Variants in FZD3 observed in about 807,000 individuals in gnomAD.
FZD3 encodes frizzled class receptor 3.
Under a neutral mutation model 60.7 loss-of-function variants are expected in FZD3, and 30 were observed. The ratio of observed to expected loss-of-function variants is 0.49; its 90% CI spans 0.37 to 0.67. The LOEUF (loss-of-function observed/expected upper bound fraction) is 0.67, where lower values mean the gene tolerates loss of function less well. FZD3 is among the 30% of genes least tolerant of loss of function. The probability of loss-of-function intolerance (pLI) is 0.00; values close to 1 mark genes in which losing one functional copy is unlikely to be tolerated. For synonymous variants in FZD3, 246 were observed against 275.2 expected (o/e 0.89, Z 1.05); for missense variants, 605 against 838.7 (o/e 0.72, Z 3.44).
Position 28,567,853 on chromosome 8 carries a change from T to A in FZD3, c.*4842T>A, listed in dbSNP as rs1290564449. ...TTGGGGATATTCATTTTATTTTTCC[T>A]TTTATATGAAATTGTATAAGTACAT... On this transcript the variant is annotated 3_prime_UTR_variant, in exon 8 of 8. Transcript: ENST00000240093. 1 of 152,214 alleles carries A rather than the reference T, an allele frequency of 6.6e-6. No homozygotes were observed. Among genetic ancestry groups the A allele is most frequent in the East Asian group, 1.9e-4 (1 of 5,204 alleles). The allele number at this position is 152,214 out of a possible 1,614,324, so 9.4% of individuals were successfully genotyped here.
chr8:28,497,902 G>A (rs1335258495), intron 1 of FZD3, among the ~76,000 whole-genome samples: 1 of 152,152 alleles, frequency 6.6e-6, no homozygotes, highest in Non-Finnish European at 1.5e-5. Context: ...AGTCTTCCAA[G>A]ATTGGAATCC....
rs2130490238 is a variant in FZD3, at chr8:28,569,352, T to A, written c.*6341T>A. ...ATTTTGAGTCAGGAAACTTGACTTCTACTCTTGCCTCTCTTTTGCAGTTAG... is the reference window on the plus strand; with the variant it reads ...ATTTTGAGTCAGGAAACTTGACTTCAACTCTTGCCTCTCTTTTGCAGTTAG... On this transcript the variant is annotated 3_prime_UTR_variant, in exon 8 of 8. Coordinates refer to ENST00000240093, the MANE Select transcript of FZD3 (RefSeq NM_017412.4). The A allele has an allele frequency of 6.6e-6, 1 of 152,200 alleles. No homozygotes were observed. Among genetic ancestry groups the A allele is most frequent in the East Asian group, 1.9e-4 (1 of 5,184 alleles). The allele number at this position is 152,200 out of a possible 1,614,324, so 9.4% of individuals were successfully genotyped here. A position where few individuals can be genotyped will look rare whatever the true frequency, so the allele number is the denominator to read the frequency against.
chr8:28,533,108 T>A (rs532934718), intron 5 of FZD3, among the ~76,000 whole-genome samples: 1 of 152,240 alleles, frequency 6.6e-6, no homozygotes, highest in African/African-American at 2.4e-5. Context: ...AGCATAAATT[T>A]GTTCATTTTT....
At chr8:28,501,744 G>A (rs1803999792) in intron 2 of FZD3, among the ~76,000 whole-genome samples, 2 of 152,102 alleles carry the variant, frequency 1.3e-5, no homozygotes, top group African/African-American at 2.4e-5. Flanking sequence ...AAAGCTCTGT[G>A]GAAACAATAA....
At chr8:28,537,182 G>T (rs1016668747) in intron 5 of FZD3, among the ~76,000 whole-genome samples, 2 of 152,082 alleles carry the variant, frequency 1.3e-5, no homozygotes, top group African/African-American at 4.8e-5. Context: ...TACAGAATAC[G>T]ACATGAAGGA....
rs1460515583 is a variant in FZD3 at position 28,563,929 on chromosome 8, AT to A, written c.*923del. On this transcript the variant is annotated 3_prime_UTR_variant, in exon 8 of 8. Coordinates refer to ENST00000240093, the MANE Select transcript of FZD3 (RefSeq NM_017412.4). ...ACATTTTCTCTGTATTCATTGTTGT[AT>A]TTTTCTACAGTGAGATGTGATCTTG... is the stretch of plus-strand genomic sequence containing the variant. 6.6e-6 allele frequency: 1 copy of A among 152,578 alleles called. No homozygotes were observed. Among genetic ancestry groups the A allele is most frequent in the African/African-American group, 2.4e-5 (1 of 41,432 alleles). The allele number at this position is 152,578 out of a possible 1,614,324, so 9.5% of individuals were successfully genotyped here. A position where few individuals can be genotyped will look rare whatever the true frequency, so the allele number is the denominator to read the frequency against.
At chr8:28,548,486 A>G (rs945433328) in intron 5 of FZD3, among the ~76,000 whole-genome samples, 1 of 152,110 alleles carries the variant, frequency 6.6e-6, no homozygotes, top group South Asian at 2.1e-4. Context: ...ATCTTTTAGA[A>G]ATTCATCTAG....
At chr8:28,505,586 A>C (rs968664293) in intron 3 of FZD3, among the ~76,000 whole-genome samples, 4 of 152,060 alleles carry the variant, frequency 2.6e-5, no homozygotes, top group Non-Finnish European at 4.4e-5. Flanking sequence ...TCCTGGGCTG[A>C]AGCGATCCAC....
intron 5 of FZD3, among the ~76,000 whole-genome samples, chr8:28,534,736 A>G (rs906709590): frequency 9.2e-5 from 14 of 152,184 alleles, no homozygotes; most frequent in Non-Finnish European, 1.3e-4. Context: ...TAATATTCAG[A>G]TATTAGGATA....
intron 5 of FZD3, among the ~76,000 whole-genome samples, chr8:28,539,771 G>C (rs1805114600): frequency 6.6e-6 from 1 of 152,052 alleles, no homozygotes; most frequent in Non-Finnish European, 1.5e-5. Context: ...CCTCTTGATA[G>C]GGAAAGAAGC....
chr8:28,574,031 G>A lies in FZD3; in HGVS notation c.*11020G>A, dbSNP rs1161206309. 1 of 152,146 alleles carries A rather than the reference G, an allele frequency of 6.6e-6. No homozygotes were observed. 9.4% of individuals were successfully genotyped at this position (152,146 alleles called of 1,614,324 possible). A position where few individuals can be genotyped will look rare whatever the true frequency, so the allele number is the denominator to read the frequency against. On this transcript the variant is annotated 3_prime_UTR_variant, in exon 8 of 8. Transcript: ENST00000240093. The stretch of plus-strand genomic sequence containing the variant: ...GTGGAAAAGTTGCTGTTGTTGGGAT[G>A]TACAGGGCAAGTGCACTTGGTTAGA...
intron 3 of FZD3, among the ~76,000 whole-genome samples, chr8:28,517,666 TTC>T (rs1233251531): frequency 6.6e-6 from 1 of 152,204 alleles, no homozygotes; most frequent in African/African-American, 2.4e-5. Context: ...TTGCCTTGTT[TTC>T]TGTTTTGCCA....
At chr8:28,519,088 T>C (rs904310564) in intron 3 of FZD3, among the ~76,000 whole-genome samples, 2 of 152,228 alleles carry the variant, frequency 1.3e-5, no homozygotes, top group African/African-American at 4.8e-5. Context: ...TCAGTTTCTA[T>C]AAGTGACTCT....
At chr8:28,511,432 C>T (rs1035060977) in intron 3 of FZD3, among the ~76,000 whole-genome samples, 1 of 152,172 alleles carries the variant, frequency 6.6e-6, no homozygotes, top group Non-Finnish European at 1.5e-5. Context: ...TTGCAGTGAG[C>T]CGTGATTGCG....
At position 28,553,380 on chromosome 8, in the gene FZD3, A is replaced by G. The variant is rs111391926; in HGVS notation, c.1553+1629A>G. On this transcript the variant is annotated intron_variant, in intron 6 of 7. Coordinates refer to ENST00000240093, the MANE Select transcript of FZD3 (RefSeq NM_017412.4). Reference sequence around the variant, plus strand: ...CTGCTTTCTTAGAGTGTCCTCCCTTATGGGATTTACTGTGATTTATTTGTG... The same window carrying G: ...CTGCTTTCTTAGAGTGTCCTCCCTTGTGGGATTTACTGTGATTTATTTGTG... Among the ~76,000 whole-genome samples, 498 of 152,300 alleles carry G rather than the reference A, an allele frequency of 3.3e-3. 2 individuals carry two copies. Among genetic ancestry groups the G allele is most frequent in the Non-Finnish European group, 3.8e-3 (256 of 68,018 alleles).
Position 28,573,664 on chromosome 8 carries a change from T to C in FZD3, c.*10653T>C, listed in dbSNP as rs548742224. Reference sequence around the variant, plus strand: ...AGGTCTGTCTTCCAGCTCTTTCTCATTGATACTACCTTTACATATGAATAC... The same window carrying C: ...AGGTCTGTCTTCCAGCTCTTTCTCACTGATACTACCTTTACATATGAATAC... On this transcript the variant is annotated 3_prime_UTR_variant, in exon 8 of 8. Transcript: ENST00000240093. The C allele has an allele frequency of 5.3e-5, 8 of 151,082 alleles. No individual in the cohort carries two copies. In the East Asian group the frequency reaches 7.8e-4, roughly 15 times the overall value. The allele number at this position is 151,082 out of a possible 1,614,324, so 9.4% of individuals were successfully genotyped here.
chr8:28,537,045 G>A (rs1011713197), intron 5 of FZD3, among the ~76,000 whole-genome samples: 1 of 152,014 alleles, frequency 6.6e-6, no homozygotes, highest in African/African-American at 2.4e-5. Flanking sequence ...CTTTAAATTG[G>A]TAAATATCCT....
chr8:28,520,140 G>A (rs377094252), intron 3 of FZD3, among the ~76,000 whole-genome samples: 1 of 150,812 alleles, frequency 6.6e-6, no homozygotes, highest in Non-Finnish European at 1.5e-5. Context: ...AACTTGGGAG[G>A]CAGAGGTTGC....
chr8:28,523,105 TC>T (rs1804628329), intron 4 of FZD3, among the ~76,000 whole-genome samples: 1 of 152,172 alleles, frequency 6.6e-6, no homozygotes, highest in Non-Finnish European at 1.5e-5. Flanking sequence ...TTTTATTCTT[TC>T]ATAGCTCTCA....
Sources: gnomAD v4.1 joint callset for allele counts (sites outside exome capture counted in the v4.1 genomes callset) on GRCh38, gnomAD v4.1.1 for gene constraint, MANE v1.5 for transcripts, NCBI Gene and HGNC (gene_info 2026-07-23, HGNC 2026-07-21) for gene names.